The following TPTE variants were observed in gnomAD, a reference collection of about 807,000 sequenced individuals.
TPTE encodes transmembrane phosphatase with tensin homology.
A neutral mutation model predicts 84.1 loss-of-function variants in TPTE; 59 were observed. The observed-to-expected ratio is 0.70, with a 90% confidence interval of 0.57 to 0.87. The LOEUF (loss-of-function observed/expected upper bound fraction) is 0.87. Among genes scored for constraint, TPTE ranks in the 40% least tolerant of loss-of-function variants. The pLI is 0.00. For missense variants in TPTE, 382 were observed against 659.6 expected, an observed-to-expected ratio of 0.58 and a Z score of 4.61; for synonymous variants, 130 against 223.5, an observed-to-expected ratio of 0.58 and a Z score of 3.73.
chr21:10,566,170 C>A (rs1363162031), intron 10 of TPTE, among the ~76,000 whole-genome samples: 2 of 152,310 alleles, frequency 1.3e-5, no homozygotes, highest in Non-Finnish European at 2.9e-5. Context: ...AGGAAAAAAT[C>A]TAATAATCTA....
At chr21:10,551,551 C>T (rs1391737944) in intron 7 of TPTE, among the ~76,000 whole-genome samples, 2 of 152,296 alleles carry the variant, frequency 1.3e-5, no homozygotes. Context: ...AAACCAAACC[C>T]CAAATTATTA....
At chr21:10,605,283 C>A (rs1320349907) in intron 23 of TPTE, 134 bp from the exon 24 acceptor site, 1 of 1,258,848 alleles carries the variant, frequency 7.9e-7, no homozygotes, top group Non-Finnish European at 1.1e-6. Flanking sequence ...CCAACTGAGA[C>A]ACAAAAAAAG....
chr21:10,528,848 T>G (rs1306062355), intron 3 of TPTE, among the ~76,000 whole-genome samples: 1 of 152,312 alleles, frequency 6.6e-6, no homozygotes, highest in African/African-American at 2.4e-5. Flanking sequence ...ATACCCTTAA[T>G]ATGGCCCAAG....
chr21:10,542,562 T>C (rs1353193901), intron 6 of TPTE, 114 bp downstream of exon 6: 11 of 1,357,076 alleles, frequency 8.1e-6, no homozygotes, highest in Non-Finnish European at 1.1e-5. Context: ...CATCCATCCA[T>C]TCATCCATCC....
chr21:10,562,701 T>G (rs1320920629), intron 10 of TPTE, among the ~76,000 whole-genome samples: 1 of 152,308 alleles, frequency 6.6e-6, no homozygotes, highest in Admixed American at 6.5e-5. Context: ...GAAGACAGGC[T>G]ATTTCAAAAT....
At chr21:10,530,714 T>C (rs1413061727) in intron 3 of TPTE, among the ~76,000 whole-genome samples, 1 of 152,312 alleles carries the variant, frequency 6.6e-6, no homozygotes, top group East Asian at 1.9e-4. Flanking sequence ...TTGCATATTT[T>C]GAATTTGACT....
chr21:10,569,781 A>G, intron 13 of TPTE, 35 bp downstream of exon 13: 1 of 1,613,966 alleles, frequency 6.2e-7, no homozygotes, highest in Non-Finnish European at 8.5e-7. Flanking sequence ...TACTTGTATT[A>G]CTTCACTTTT....
chr21:10,544,446 G>A (rs1371013930), intron 7 of TPTE, among the ~76,000 whole-genome samples: 3 of 152,308 alleles, frequency 2.0e-5, no homozygotes, highest in Admixed American at 6.5e-5. Flanking sequence ...GTGCAGTGGC[G>A]TGATCTCGGC....
At chr21:10,565,907 A>C (rs568665656) in intron 10 of TPTE, among the ~76,000 whole-genome samples, 1 of 152,312 alleles carries the variant, frequency 6.6e-6, no homozygotes, top group Admixed American at 6.5e-5. Context: ...CAACTATACT[A>C]CAAGAGAACA....
At chr21:10,583,935 CTTCT>C (rs2075315131) in intron 17 of TPTE, among the ~76,000 whole-genome samples, 1 of 152,308 alleles carries the variant, frequency 6.6e-6, no homozygotes, top group Admixed American at 6.5e-5. Context: ...TCATCATCTT[CTTCT>C]TTTTCTTCAC....
At chr21:10,580,676 C>A (rs1325952382) in intron 17 of TPTE, among the ~76,000 whole-genome samples, 1 of 152,312 alleles carries the variant, frequency 6.6e-6, no homozygotes, top group African/African-American at 2.4e-5. Flanking sequence ...TGGATTTTTT[C>A]TGGGCTTTGT....
chr21:10,572,547 T>C (rs1395026025), intron 14 of TPTE, among the ~76,000 whole-genome samples: 1 of 152,286 alleles, frequency 6.6e-6, no homozygotes. Context: ...GCAGTAGATT[T>C]CCCAGTGGAA....
intron 8 of TPTE, among the ~76,000 whole-genome samples, chr21:10,557,544 G>A (rs1364445348): frequency 2.0e-5 from 3 of 152,420 alleles, no homozygotes; most frequent in African/African-American, 2.4e-5. Context: ...TGGGATCAGA[G>A]GTTCTTGTAG....
intron 8 of TPTE, among the ~76,000 whole-genome samples, chr21:10,558,670 C>T (rs566414407): frequency 3.9e-5 from 6 of 152,418 alleles, no homozygotes; most frequent in South Asian, 2.1e-4. Context: ...GGATTCATGG[C>T]TCTTGGGGTG....
chr21:10,537,143 G>A (rs1422570295), intron 3 of TPTE, among the ~76,000 whole-genome samples: 1 of 152,308 alleles, frequency 6.6e-6, no homozygotes, highest in Non-Finnish European at 1.5e-5. Context: ...GGGGTCAAGG[G>A]GATTTGTATA....
chr21:10,536,481 T>A (rs1326936065), intron 3 of TPTE, among the ~76,000 whole-genome samples: 27 of 152,300 alleles, frequency 1.8e-4, no homozygotes, highest in Non-Finnish European at 3.4e-4. Flanking sequence ...ACCAATGAAA[T>A]GTGAATTATA....
At chr21:10,570,995 C>A (rs1233541495) in intron 14 of TPTE, among the ~76,000 whole-genome samples, 5 of 152,300 alleles carry the variant, frequency 3.3e-5, no homozygotes, top group Admixed American at 2.6e-4. Flanking sequence ...CCCACTGCTG[C>A]CAACAGCCCC....
intron 14 of TPTE, chr21:10,576,222 A>G (rs2075146235): frequency 5.8e-6 from 1 of 171,422 alleles, no homozygotes; most frequent in African/African-American, 2.4e-5. Flanking sequence ...AATATGGTAC[A>G]TAGAGCGGGA....
intron 7 of TPTE, among the ~76,000 whole-genome samples, chr21:10,551,184 G>A (rs572247512): frequency 7.9e-5 from 12 of 152,362 alleles, no homozygotes; most frequent in African/African-American, 2.9e-4. Context: ...ACTGTCGCAA[G>A]GACAAAACAC....
Sources: allele counts gnomAD v4.1 joint callset (sites outside exome capture counted in the v4.1 genomes callset), GRCh38; gene constraint gnomAD v4.1.1; transcripts MANE v1.5; gene names NCBI Gene and HGNC (gene_info 2026-07-23, HGNC 2026-07-21).